Variants in AACS observed in about 807,000 individuals in gnomAD.
The protein encoded by AACS is acetoacetate-CoA ligase.
Under a neutral mutation model 83.1 loss-of-function variants are expected in AACS, and 69 were observed. That is an observed-to-expected ratio of 0.83 (90% CI 0.68 to 1.01). AACS has a LOEUF of 1.01. AACS is among the 50% of genes least tolerant of loss of function. AACS has a pLI of 0.00. For synonymous variants in AACS, 333 were observed against 343.4 expected, an observed-to-expected ratio of 0.97 and a Z score of 0.33; for missense variants, 866 against 882.2, an observed-to-expected ratio of 0.98 and a Z score of 0.23.
chr12:125,074,440 A>T (rs1384068099), intron 2 of AACS, among the ~76,000 whole-genome samples: 1 of 151,854 alleles, frequency 6.6e-6, no homozygotes, highest in Non-Finnish European at 1.5e-5. Flanking sequence ...CCACCTACTC[A>T]GGAGGCTGAG....
intron 8 of AACS, among the ~76,000 whole-genome samples, chr12:125,109,881 G>T (rs1215292539): frequency 2.0e-5 from 3 of 152,212 alleles, no homozygotes; most frequent in Admixed American, 1.3e-4. Flanking sequence ...AGGTGATGCA[G>T]CTTTGGTGGG....
chr12:125,140,128 TGCA>T lies in AACS; in HGVS notation c.1882-1961_1882-1959del, dbSNP rs1340425206. On this transcript the variant is annotated intron_variant, in intron 17 of 17. Coordinates refer to ENST00000316519, the MANE Select transcript of AACS (RefSeq NM_023928.5). This position sits in a 1 kb window ranked among gnomAD's most constrained non-coding sequence, Gnocchi z 5.1. ...TCCTGGCATTTGAGGGCTTCCCGACTGCAGCCCTCAGGCAGCCATGGCTGTCCC... is the reference window on the plus strand; with the variant it reads ...TCCTGGCATTTGAGGGCTTCCCGACTGCCCTCAGGCAGCCATGGCTGTCCC... The T allele has an allele frequency of 6.6e-6, 1 of 152,206 alleles. No homozygotes were observed. Among genetic ancestry groups the T allele is most frequent in the African/African-American group, 2.4e-5 (1 of 41,432 alleles). 9.4% of individuals were successfully genotyped at this position (152,206 alleles called of 1,614,324 possible).
In AACS at chr12:125,125,032, C is replaced by A. The variant is rs1164611668; in HGVS notation, c.1309+8C>A. On this transcript the variant is annotated splice_region_variant and intron_variant, in intron 12 of 17. Transcript: ENST00000316519. ...TCCTGGGCTCCATCTCAGGTATGGC[C>A]CCGGTGGGGACAGTCCTTCCAGCCA... 6.2e-7 allele frequency: 1 copy of A among 1,614,070 alleles called. No homozygotes were observed. Among genetic ancestry groups the A allele is most frequent in the South Asian group, 1.1e-5 (1 of 91,072 alleles).
rs1006878651 is a variant in AACS at position 125,086,435 on chromosome 12, G to A, written c.464G>A (p.Arg155Gln). ...AAAATGGGTGTGAAGAAAGGAGATC[G>A]GGTTGTTGGTAAGTATTTTGGGTGC... ...MRKMGVKKGD[R>Q]VVGYLPNSEH... Residue 155 changes from arginine to glutamine, a missense_variant, in exon 4 of 18, where the codon CGG becomes CAG. By Grantham distance (43) the Arg-to-Gln change is conservative. Coordinates refer to ENST00000316519, the MANE Select transcript of AACS (RefSeq NM_023928.5). 5.6e-6 allele frequency: 9 copies of A among 1,614,148 alleles called. No individual in the cohort carries two copies. The highest frequency in any genetic ancestry group is 1.3e-5 in the African/African-American group (1 of 75,024).
chr12:125,096,229 G>T (rs1478132751), intron 5 of AACS, among the ~76,000 whole-genome samples: 1 of 152,228 alleles, frequency 6.6e-6, no homozygotes, highest in East Asian at 1.9e-4. Context: ...TTACAGGCAT[G>T]AGCCACTGTG....
At chr12:125,111,992 C>G (rs962639582) in intron 8 of AACS, among the ~76,000 whole-genome samples, 2 of 152,216 alleles carry the variant, frequency 1.3e-5, no homozygotes, top group African/African-American at 4.8e-5. Flanking sequence ...CTCTGCTGTG[C>G]TCTCAGCAGA....
In AACS at chr12:125,103,059, G is replaced by A. The variant is rs1190559481; in HGVS notation, c.745G>A (p.Asp249Asn). Residue 249 changes from aspartate (D) to asparagine (N), a missense_variant, in exon 7 of 18, where the codon GAC (aspartate) becomes AAC (asparagine). By Grantham distance (23) the Asp-to-Asn change is conservative. Transcript: ENST00000316519. ...IPYVSSRENI[D>N]LSKIPNSVFL... ...TTATGTGTCCTCCAGAGAGAACATA[G>A]ACCTTTCAAAGATTCCAAACAGGTA... 32 of 1,614,056 alleles carry A rather than the reference G, an allele frequency of 2.0e-5. No individual in the cohort carries two copies. The highest frequency in any genetic ancestry group is 2.6e-5 in the Non-Finnish European group (31 of 1,180,022).
rs140391491 is a variant in AACS, at chr12:125,074,638, T to C, written c.237+659T>C. On this transcript the variant is annotated intron_variant, in intron 2 of 17. Coordinates refer to ENST00000316519, the MANE Select transcript of AACS (RefSeq NM_023928.5). ...TTTAAACTGTACACTTCAGTGATGTTAAGTACATTTACATTGTTGTAGTTT... is the reference window on the plus strand; with the variant it reads ...TTTAAACTGTACACTTCAGTGATGTCAAGTACATTTACATTGTTGTAGTTT... Among the ~76,000 whole-genome samples, 1,439 of 151,662 alleles carry C rather than the reference T, an allele frequency of 9.5e-3. 13 individuals are homozygous for C. Among genetic ancestry groups the C allele is most frequent in the Middle Eastern group, 0.045 (13 of 290 alleles).
intron 5 of AACS, among the ~76,000 whole-genome samples, chr12:125,098,950 G>C (rs905186666): frequency 6.6e-6 from 1 of 152,176 alleles, no homozygotes; most frequent in Non-Finnish European, 1.5e-5. Flanking sequence ...GTAGGTGGGG[G>C]TGTTCGGCAC....
At position 125,097,798 on chromosome 12, in the gene AACS, A is replaced by G. The variant is rs977025973; in HGVS notation, c.571-4881A>G. ...CCCCATCTCAGTAACCCCCGCCACT[A>G]CAACCCTGCCAAACCAGGAGCTCGG... On this transcript the variant is annotated intron_variant, in intron 5 of 17. Coordinates refer to ENST00000316519, the MANE Select transcript of AACS (RefSeq NM_023928.5). This position sits in a 1 kb window ranked among gnomAD's most constrained non-coding sequence, Gnocchi z 4.3. Among the ~76,000 whole-genome samples the G allele has an allele frequency of 6.6e-6, 1 of 152,152 alleles. No individual in the cohort carries two copies. Among genetic ancestry groups the G allele is most frequent in the Non-Finnish European group, 1.5e-5 (1 of 68,036 alleles).
At position 125,073,998 on chromosome 12, in the gene AACS, T is replaced by A; in HGVS notation, c.237+19T>A. ...TGATGAGGTAAGTAGAGATTTTCCG[T>A]GGATATCATCTCTTTTTGTGGTCGT... On this transcript the variant is annotated intron_variant, in intron 2 of 17. Coordinates refer to ENST00000316519, the MANE Select transcript of AACS (RefSeq NM_023928.5). 1 of 1,574,280 alleles carries A rather than the reference T, an allele frequency of 6.4e-7. No homozygotes were observed. Among genetic ancestry groups the A allele is most frequent in the Non-Finnish European group, 8.7e-7 (1 of 1,146,914 alleles).
Position 125,124,854 on chromosome 12 carries a change from T to G in AACS, c.1187-48T>G, listed in dbSNP as rs1255576434. The G allele has an allele frequency of 2.5e-6, 4 of 1,614,040 alleles. No individual in the cohort carries two copies. The Admixed American group carries it at 6.7e-5, about 27-fold the overall frequency. ...CCTATTTCCTGCTTGCGAGTGAGGCTTCAGGCACTGGGTTTAGTTTTAATC... is the reference window on the plus strand; with the variant it reads ...CCTATTTCCTGCTTGCGAGTGAGGCGTCAGGCACTGGGTTTAGTTTTAATC... On this transcript the variant is annotated intron_variant, in intron 11 of 17. Coordinates refer to ENST00000316519, the MANE Select transcript of AACS (RefSeq NM_023928.5).
At chr12:125,139,239 G>A (rs1338307433) in intron 17 of AACS, 1 of 152,268 alleles carries the variant, frequency 6.6e-6, no homozygotes, top group Non-Finnish European at 1.5e-5. Flanking sequence ...TCTGATCTGT[G>A]ACACGAGGAG....
At chr12:125,118,808 AC>A in intron 10 of AACS, 43 bp downstream of exon 10, 1 of 1,607,398 alleles carries the variant, frequency 6.2e-7, no homozygotes, top group Non-Finnish European at 8.5e-7. Flanking sequence ...GACAGGCAGC[AC>A]CAGGAAGGCT....
intron 1 of AACS, among the ~76,000 whole-genome samples, chr12:125,069,545 G>A (rs1020522367): frequency 2.6e-5 from 4 of 152,218 alleles, no homozygotes; most frequent in African/African-American, 9.6e-5. Context: ...GTCCTCTGAT[G>A]CAGACTTCCT....
chr12:125,082,779 C>T (rs1565927352), intron 3 of AACS, among the ~76,000 whole-genome samples: 1 of 152,170 alleles, frequency 6.6e-6, no homozygotes, highest in South Asian at 2.1e-4. Flanking sequence ...TGAAATGGTG[C>T]CATTGCACTC....
At chr12:125,075,651 T>C (rs926295380) in intron 2 of AACS, among the ~76,000 whole-genome samples, 5 of 147,436 alleles carry the variant, frequency 3.4e-5, no homozygotes, top group Non-Finnish European at 6.0e-5. Flanking sequence ...TGGAGTGCAG[T>C]GGCGTGATCT....
chr12:125,080,589 C>T (rs1037362679), intron 3 of AACS, among the ~76,000 whole-genome samples: 1 of 151,990 alleles, frequency 6.6e-6, no homozygotes, highest in Non-Finnish European at 1.5e-5. Context: ...TGTTTCACAC[C>T]CCCTACCCCT....
At chr12:125,090,723 T>TCATCCATC (rs113268265) in intron 4 of AACS, among the ~76,000 whole-genome samples, 1 of 142,506 alleles carries the variant, frequency 7.0e-6, no homozygotes, top group African/African-American at 3.1e-5. Context: ...TCCTCATCCA[T>TCATCCATC]CATCCATCCA....
Sources: gnomAD v4.1 joint callset for allele counts (sites outside exome capture counted in the v4.1 genomes callset) on GRCh38, gnomAD v4.1.1 for gene constraint, Gnocchi (gnomAD v3.1) non-coding constraint, MANE v1.5 for transcripts, NCBI Gene and HGNC (gene_info 2026-07-23, HGNC 2026-07-21) for gene names.